Variants in DOCK2 observed in about 807,000 individuals in gnomAD.
DOCK2 encodes the protein dedicator of cytokinesis protein 2.
In DOCK2, 87 loss-of-function variants were observed where a neutral mutation model predicts 248.9. The observed-to-expected ratio is 0.35, with a 90% CI of 0.29 to 0.42. The LOEUF (loss-of-function observed/expected upper bound fraction) is 0.42, where lower values mean the gene tolerates loss of function less well. Among genes scored for constraint, DOCK2 ranks in the 10% least tolerant of loss-of-function variants. The probability of loss-of-function intolerance (pLI) is 1.00; values close to 1 mark genes in which losing one functional copy is unlikely to be tolerated. For missense variants in DOCK2, 1,747 were observed against 2,300.2 expected, an observed-to-expected ratio of 0.76 and a Z score of 4.92; for synonymous variants, 805 against 821.6, an observed-to-expected ratio of 0.98 and a Z score of 0.35.
intron 8 of DOCK2, among the ~76,000 whole-genome samples, chr5:169,688,933 C>T (rs1373142624): frequency 6.6e-6 from 1 of 152,200 alleles, no homozygotes; most frequent in Non-Finnish European, 1.5e-5. Flanking sequence ...TCATCTCTGC[C>T]ATTCTCAATA....
intron 27 of DOCK2, among the ~76,000 whole-genome samples, chr5:169,860,498 TA>T (rs1405964944): frequency 1.3e-5 from 2 of 152,158 alleles, no homozygotes; most frequent in Non-Finnish European, 2.9e-5. Context: ...TCACAGAAAC[TA>T]AGCAACTTGC....
At chr5:169,917,425 T>C (rs1375351754) in intron 27 of DOCK2, among the ~76,000 whole-genome samples, 2 of 152,180 alleles carry the variant, frequency 1.3e-5, no homozygotes, top group African/African-American at 2.4e-5. Flanking sequence ...GAGTTTCCTT[T>C]GGTGCAAAGT....
rs1451094810 is a variant in DOCK2, at chr5:169,797,449, C to T, written c.2555-5609C>T. 2.6e-5 allele frequency among the ~76,000 whole-genome samples: 4 copies of T among 152,192 alleles called. No homozygotes were observed. The East Asian group carries it at 7.7e-4, about 29-fold the overall frequency. On this transcript the variant is annotated intron_variant, in intron 25 of 51. Coordinates refer to ENST00000520908, the MANE Select transcript of DOCK2 (RefSeq NM_004946.3). ...CCATCAAATAATTGCAAAAGCACACCACACTTCAAGAGGGCTTTGCATTCA... is the reference window on the plus strand; with the variant it reads ...CCATCAAATAATTGCAAAAGCACACTACACTTCAAGAGGGCTTTGCATTCA...
chr5:169,726,741 C>T (rs888937565), intron 22 of DOCK2, among the ~76,000 whole-genome samples: 3 of 152,164 alleles, frequency 2.0e-5, no homozygotes, highest in South Asian at 2.1e-4. Flanking sequence ...ACAAGATAAA[C>T]ATGCATCCCA....
At chr5:169,728,689 CAA>C (rs1313589816) in intron 22 of DOCK2, among the ~76,000 whole-genome samples, 1 of 152,132 alleles carries the variant, frequency 6.6e-6, no homozygotes, top group Non-Finnish European at 1.5e-5. Flanking sequence ...AGCAAGGGGT[CAA>C]AGTTTGAAGT....
chr5:169,874,054 G>A (rs2338804), intron 27 of DOCK2, among the ~76,000 whole-genome samples: 2,761 of 151,650 alleles, frequency 0.018, 89 homozygotes, highest in African/African-American at 0.063. Flanking sequence ...CTCCTTTACA[G>A]AATCCATAAG....
chr5:169,924,803 C>A lies in DOCK2; in HGVS notation c.2800-58265C>A, dbSNP rs567214171. On this transcript the variant is annotated intron_variant, in intron 27 of 51. Transcript: ENST00000520908. ...CATCAATCTGAAGTATCCTGGGACG[C>A]TCTTTGGCCTGGCACATGGGTAGGT... 1.8e-4 allele frequency among the ~76,000 whole-genome samples: 28 copies of A among 152,226 alleles called. 1 individual carries two copies. The highest frequency in any genetic ancestry group is 6.7e-4 in the African/African-American group (28 of 41,526).
chr5:169,679,034 G>T (rs948060223), intron 6 of DOCK2, among the ~76,000 whole-genome samples: 7 of 152,034 alleles, frequency 4.6e-5, no homozygotes, highest in African/African-American at 1.7e-4. Flanking sequence ...AGCACCAACT[G>T]AGTCTGGATT....
chr5:169,691,857 T>A (rs908917190), intron 9 of DOCK2, among the ~76,000 whole-genome samples: 43 of 128,580 alleles, frequency 3.3e-4, no homozygotes, highest in African/African-American at 1.4e-3. Flanking sequence ...TTATTTATTT[T>A]TATTTATTTT....
chr5:169,774,490 C>T (rs1200773726), intron 25 of DOCK2, among the ~76,000 whole-genome samples: 1 of 152,204 alleles, frequency 6.6e-6, no homozygotes, highest in Non-Finnish European at 1.5e-5. Context: ...ACAGCAGAGA[C>T]ACCATTCCAA....
intron 27 of DOCK2, among the ~76,000 whole-genome samples, chr5:169,860,209 C>G (rs1465976925): frequency 6.6e-6 from 1 of 152,088 alleles, no homozygotes; most frequent in Non-Finnish European, 1.5e-5. Context: ...ATCCTCCTAC[C>G]TTGGCTTCCC....
At chr5:170,079,932 T>C (rs1757967518) in intron 49 of DOCK2, 2 of 536,412 alleles carry the variant, frequency 3.7e-6, no homozygotes, top group African/African-American at 1.9e-5. Flanking sequence ...ATTTACATGA[T>C]AGTCTAAATG....
At chr5:169,866,568 T>C (rs919994572) in intron 27 of DOCK2, among the ~76,000 whole-genome samples, 4 of 152,200 alleles carry the variant, frequency 2.6e-5, no homozygotes, top group Admixed American at 6.5e-5. Flanking sequence ...CTGTTCTGGC[T>C]GCTGAGGAAG....
chr5:170,010,503 A>G (rs1581524838), intron 32 of DOCK2, among the ~76,000 whole-genome samples: 1 of 152,214 alleles, frequency 6.6e-6, no homozygotes, highest in Non-Finnish European at 1.5e-5. Context: ...TGAAACTGAC[A>G]TGCCCAAGCA....
chr5:170,055,471 C>T, intron 42 of DOCK2, 85 bp downstream of exon 42: 1 of 1,242,154 alleles, frequency 8.1e-7, no homozygotes, highest in East Asian at 2.4e-5. Context: ...GAACAGACCC[C>T]AGTGTCTTTC....
chr5:169,965,875 G>T (rs1308378750), intron 27 of DOCK2, among the ~76,000 whole-genome samples: 4 of 152,156 alleles, frequency 2.6e-5, no homozygotes, highest in African/African-American at 9.7e-5. Context: ...AGGCCTCTGG[G>T]CTCTCACCTT....
intron 27 of DOCK2, among the ~76,000 whole-genome samples, chr5:169,933,041 G>C (rs1775829278): frequency 6.6e-6 from 1 of 152,196 alleles, no homozygotes; most frequent in African/African-American, 2.4e-5. Context: ...GGTATTGGCA[G>C]GCAAAATTAT....
At chr5:169,988,896 C>G (rs2113791131) in intron 29 of DOCK2, among the ~76,000 whole-genome samples, 1 of 152,302 alleles carries the variant, frequency 6.6e-6, no homozygotes, top group Non-Finnish European at 1.5e-5. Flanking sequence ...TGACTTATGC[C>G]AGACCAGTGT....
At chr5:169,947,250 A>G (rs960950003) in intron 27 of DOCK2, among the ~76,000 whole-genome samples, 2 of 152,240 alleles carry the variant, frequency 1.3e-5, no homozygotes, top group Admixed American at 6.5e-5. Flanking sequence ...CAGTCACTGC[A>G]AACTCACTTG....
Sources: gnomAD v4.1 joint callset for allele counts (sites outside exome capture counted in the v4.1 genomes callset) on GRCh38, gnomAD v4.1.1 for gene constraint, MANE v1.5 for transcripts, NCBI Gene and HGNC (gene_info 2026-07-23, HGNC 2026-07-21) for gene names.